Variants in MAX observed in about 807,000 individuals in gnomAD.
MAX encodes the protein MYC associated transcriptional regulator X.
MAX carries 3 observed loss-of-function variants against 22.3 expected under a neutral mutation model. The ratio of observed to expected loss-of-function variants is 0.13; its 90% CI spans 0.06 to 0.35. MAX has a LOEUF of 0.35. Among genes scored for constraint, MAX ranks in the 10% least tolerant of loss-of-function variants. The pLI, the probability that MAX is intolerant of heterozygous loss-of-function variation, is 1.00. For synonymous variants in MAX, 72 were observed against 77.7 expected (o/e 0.93, Z 0.39); for missense variants, 119 against 209.4 (o/e 0.57, Z 2.66).
chr14:65,057,041 C>T (rs2062751307), intron 3 of MAX, among the ~76,000 whole-genome samples: 1 of 152,200 alleles, frequency 6.6e-6, no homozygotes, highest in Admixed American at 6.5e-5. Flanking sequence ...AATCCATTCC[C>T]TCAAGGACTA....
At position 65,027,848 on chromosome 14, in the gene MAX, C is replaced by G. The variant is rs944870737; in HGVS notation, c.172-21564G>C. ...AGAGCTCATCTGCCATTAGAGATGC[C>G]AAGCCTAAGGAACATCATGGGGAAG... On this transcript the variant is annotated intron_variant, in intron 3 of 3. Transcript: ENST00000341653. The surrounding 1 kb of genome is among the most constrained non-coding windows in gnomAD (Gnocchi z 5.7). 1.3e-6 allele frequency: 2 copies of G among 1,599,206 alleles called. No homozygotes were observed. The highest frequency in any genetic ancestry group is 2.7e-5 in the African/African-American group (2 of 74,788).
intron 3 of MAX, among the ~76,000 whole-genome samples, chr14:65,067,083 G>A (rs1281193353): frequency 6.6e-6 from 1 of 151,284 alleles, no homozygotes. Context: ...CTACTTGGGA[G>A]GCTAAGATGG....
chr14:65,079,323 T>C lies in MAX; in HGVS notation c.172-1287A>G, dbSNP rs1566602407. Among the ~76,000 whole-genome samples the C allele has an allele frequency of 6.6e-6, 1 of 152,196 alleles. No homozygotes were observed. Among genetic ancestry groups the C allele is most frequent in the Non-Finnish European group, 1.5e-5 (1 of 68,028 alleles). Reference sequence around the variant, plus strand: ...ACAGGAAGAGCATGAGATTGGGCCATTTCAGGAAACAACCACACCTCTACA... The same window carrying C: ...ACAGGAAGAGCATGAGATTGGGCCACTTCAGGAAACAACCACACCTCTACA... On this transcript the variant is annotated intron_variant, in intron 3 of 4. Coordinates refer to ENST00000358664, the MANE Select transcript of MAX (RefSeq NM_002382.5). This position sits in a 1 kb window ranked among gnomAD's most constrained non-coding sequence, Gnocchi z 4.5.
Position 65,076,747 on chromosome 14 carries a change from C to A in MAX, c.296-84G>T. ...TCTCAGACTCAGGGTCCAGCCTGTT[C>A]TTCCTAAGGGCTTGCTTGTTGGCCC... On this transcript the variant is annotated intron_variant, in intron 4 of 4. Transcript: ENST00000358664. This position sits in a 1 kb window ranked among gnomAD's most constrained non-coding sequence, Gnocchi z 6.6. 1 of 1,544,308 alleles carries A rather than the reference C, an allele frequency of 6.5e-7. No homozygotes were observed.
At position 65,044,055 on chromosome 14, in the gene MAX, G is replaced by T. The variant is rs1049207562; in HGVS notation, c.172-37771C>A. 2.6e-5 allele frequency among the ~76,000 whole-genome samples: 4 copies of T among 152,096 alleles called. No homozygotes were observed. The highest frequency in any genetic ancestry group is 5.9e-5 in the Non-Finnish European group (4 of 68,008). ...AGCACTGGCACTGCTTTGGAACCCA[G>T]GAAAAGGTAGTTGTCTGCCAGGCAT... On this transcript the variant is annotated intron_variant, in intron 3 of 3. Transcript: ENST00000341653. The surrounding 1 kb of genome is among the most constrained non-coding windows in gnomAD (Gnocchi z 5.5).
intron 3 of MAX, among the ~76,000 whole-genome samples, chr14:65,055,921 A>G (rs1473774270): frequency 6.6e-6 from 1 of 152,104 alleles, no homozygotes; most frequent in Non-Finnish European, 1.5e-5. Flanking sequence ...CAGAAAAACC[A>G]CCACCCAGCT....
intron 2 of MAX, among the ~76,000 whole-genome samples, chr14:65,098,708 T>C (rs1595178200): frequency 1.3e-5 from 2 of 152,216 alleles, no homozygotes; most frequent in African/African-American, 2.4e-5. Context: ...ATGTACTGAA[T>C]TTAGTAGTAA....
rs2062105525 is a variant in MAX at position 65,032,483 on chromosome 14, T to C, written c.172-26199A>G. 2 of 924,806 alleles carry C rather than the reference T, an allele frequency of 2.2e-6. No homozygotes were observed. The highest frequency in any genetic ancestry group is 3.1e-6 in the Non-Finnish European group (2 of 639,250). 57.3% of individuals were successfully genotyped at this position (924,806 alleles called of 1,614,324 possible). On this transcript the variant is annotated intron_variant, in intron 3 of 3. Coordinates refer to the MAX transcript ENST00000341653. This position sits in a 1 kb window ranked among gnomAD's most constrained non-coding sequence, Gnocchi z 5.0. ...TGGAGACCCAGGAGGACTGACCGTG[T>C]GCCAAGAGTGAGGACAGGAGGTGAT... is the stretch of plus-strand genomic sequence containing the variant.
chr14:65,027,036 A>G lies in MAX; in HGVS notation c.172-20752T>C, dbSNP rs1365754341. Among the ~76,000 whole-genome samples, 2 of 152,082 alleles carry G rather than the reference A, an allele frequency of 1.3e-5. No individual in the cohort carries two copies. Among genetic ancestry groups the G allele is most frequent in the African/African-American group, 4.8e-5 (2 of 41,412 alleles). ...GTGTGGAAAGAAGCAGTTGAGCACC[A>G]TGTTTTGGCAAAATTCAAAGGCTGG... On this transcript the variant is annotated intron_variant, in intron 3 of 3. Transcript: ENST00000341653. This position sits in a 1 kb window ranked among gnomAD's most constrained non-coding sequence, Gnocchi z 5.7.
intron 3 of MAX, among the ~76,000 whole-genome samples, chr14:65,051,826 G>A (rs996837994): frequency 5.0e-5 from 7 of 140,790 alleles, no homozygotes; most frequent in Non-Finnish European, 7.6e-5. Flanking sequence ...ATGGAGTCTC[G>A]CTGTGTCGCC....
chr14:65,050,382 G>C (rs2062579155), intron 3 of MAX, among the ~76,000 whole-genome samples: 1 of 152,158 alleles, frequency 6.6e-6, no homozygotes, highest in Non-Finnish European at 1.5e-5. Flanking sequence ...GATCATTTTA[G>C]GAGTTCGAGA....
rs141879646 is a variant in MAX, at chr14:65,033,161, C to T, written c.172-26877G>A. Among the ~76,000 whole-genome samples, 245 of 152,104 alleles carry T rather than the reference C, an allele frequency of 1.6e-3. 1 individual carries two copies. Among genetic ancestry groups the T allele is most frequent in the African/African-American group, 5.9e-3 (244 of 41,498 alleles). ...ATAGTTGCATCGGAATATAATGTAG[C>T]AGTGAAAATGAATGAACTAGAGTTA... On this transcript the variant is annotated intron_variant, in intron 3 of 3. Transcript: ENST00000341653.
chr14:65,053,979 T>C (rs534757528), intron 3 of MAX, among the ~76,000 whole-genome samples: 14 of 152,318 alleles, frequency 9.2e-5, no homozygotes, highest in Admixed American at 7.8e-4. Flanking sequence ...TGGAGAGCCC[T>C]TTCCAGAAGA....
chr14:65,045,093 C>T (rs536597973), intron 3 of MAX, among the ~76,000 whole-genome samples: 7 of 152,198 alleles, frequency 4.6e-5, no homozygotes, highest in Admixed American at 1.3e-4. Context: ...AACGCAAAAC[C>T]GAAGTAGTTA....
At chr14:65,051,462 T>A (rs2062607826) in intron 3 of MAX, among the ~76,000 whole-genome samples, 1 of 151,828 alleles carries the variant, frequency 6.6e-6, no homozygotes. Context: ...AATACAAGAA[T>A]TAGCCAGGCA....
intron 3 of MAX, among the ~76,000 whole-genome samples, chr14:65,067,169 A>G (rs1360855723): frequency 6.6e-6 from 1 of 151,030 alleles, no homozygotes; most frequent in Non-Finnish European, 1.5e-5. Context: ...TGGATGACAC[A>G]GCAAGACCCT....
At chr14:65,022,245 A>C in intron 3 of MAX, 1 of 332,360 alleles carries the variant, frequency 3.0e-6, no homozygotes, top group South Asian at 2.3e-5. Flanking sequence ...CTGCCCATGG[A>C]TGACTGTTCC....
At chr14:65,041,734 G>C (rs1017823689) in intron 3 of MAX, among the ~76,000 whole-genome samples, 1 of 152,166 alleles carries the variant, frequency 6.6e-6, no homozygotes, top group Non-Finnish European at 1.5e-5. Flanking sequence ...CTCCCCCGGT[G>C]TAGTCTTTTT....
intron 3 of MAX, among the ~76,000 whole-genome samples, chr14:65,067,411 G>A (rs937713336): frequency 6.6e-6 from 1 of 151,932 alleles, no homozygotes; most frequent in African/African-American, 2.4e-5. Context: ...TTACCTAATG[G>A]CCTTTTTCTG....
Sources: gnomAD v4.1 joint callset for allele counts (sites outside exome capture counted in the v4.1 genomes callset) on GRCh38, gnomAD v4.1.1 for gene constraint, Gnocchi (gnomAD v3.1) non-coding constraint, MANE v1.5 for transcripts, NCBI Gene and HGNC (gene_info 2026-07-23, HGNC 2026-07-21) for gene names.